TRPM6: variants seen among roughly 807,000 people sequenced by gnomAD.
TRPM6 encodes the protein channel kinase 2.
TRPM6 carries 111 observed loss-of-function variants against 247.6 expected under a neutral mutation model. The ratio of observed to expected loss-of-function variants is 0.45; its 90% CI spans 0.38 to 0.52. The LOEUF is 0.52. Among genes scored for constraint, TRPM6 ranks in the 20% least tolerant of loss-of-function variants. The pLI is 0.00. For synonymous variants in TRPM6, 892 were observed against 853.8 expected, an observed-to-expected ratio of 1.04 and a Z score of -0.78; for missense variants, 2,126 against 2,421.5, an observed-to-expected ratio of 0.88 and a Z score of 2.56.
chr9:74,724,445 A>G lies in TRPM6; in HGVS notation c.*168T>C, dbSNP rs1215066722. ...TGGACAGAGGTCAGTGTCTAGGAGA[A>G]CCCATTGATCATATACCAATGAGGC... On this transcript the variant is annotated 3_prime_UTR_variant, in exon 39 of 39. Transcript: ENST00000360774. 61 of 912,978 alleles carry G rather than the reference A, an allele frequency of 6.7e-5. No individual in the cohort carries two copies. Among genetic ancestry groups the G allele is most frequent in the South Asian group, 1.5e-5 (1 of 67,224 alleles). The allele number at this position is 912,978 out of a possible 1,614,324, so 56.6% of individuals were successfully genotyped here.
At chr9:74,783,421 G>T (rs922501066) in intron 21 of TRPM6, among the ~76,000 whole-genome samples, 1 of 152,152 alleles carries the variant, frequency 6.6e-6, no homozygotes, top group Admixed American at 6.5e-5. Context: ...ATTAGGCTGG[G>T]GCTGTGAAAC....
At chr9:74,745,120 T>C (rs550846812) in intron 31 of TRPM6, among the ~76,000 whole-genome samples, 22 of 152,322 alleles carry the variant, frequency 1.4e-4, no homozygotes, top group African/African-American at 4.6e-4. Flanking sequence ...ACAATACAGT[T>C]AAAGTAATAT....
At chr9:74,872,600 T>TGTGTGTG (rs145837742) in intron 1 of TRPM6, among the ~76,000 whole-genome samples, 42 of 150,194 alleles carry the variant, frequency 2.8e-4, no homozygotes, top group Non-Finnish European at 1.5e-5. Flanking sequence ...CCAGCAAATT[T>TGTGTGTG]TGTGTGTGTG....
chr9:74,745,540 A>G (rs1826015945), intron 31 of TRPM6, among the ~76,000 whole-genome samples: 1 of 152,170 alleles, frequency 6.6e-6, no homozygotes, highest in Non-Finnish European at 1.5e-5. Context: ...GCTGTTTTAT[A>G]TAGGGTGGTT....
intron 23 of TRPM6, 26 bp from the exon 24 acceptor site, chr9:74,776,102 A>G (rs200323072): frequency 6.3e-7 from 1 of 1,581,552 alleles, no homozygotes; most frequent in Non-Finnish European, 8.7e-7. Context: ...AGAGAGGGAC[A>G]ATGTTTTAAT....
chr9:74,842,748 ATAACT>A (rs1475644796), intron 3 of TRPM6, among the ~76,000 whole-genome samples: 3 of 152,250 alleles, frequency 2.0e-5, no homozygotes, highest in Admixed American at 6.5e-5. Context: ...AACAACGTAC[ATAACT>A]TAATTAAAAT....
chr9:74,865,937 A>G (rs1830830897), intron 1 of TRPM6, among the ~76,000 whole-genome samples: 1 of 152,106 alleles, frequency 6.6e-6, no homozygotes, highest in South Asian at 2.1e-4. Flanking sequence ...ATGACTGGGG[A>G]AAATATACTG....
chr9:74,871,517 T>C (rs931712307), intron 1 of TRPM6, among the ~76,000 whole-genome samples: 2 of 152,222 alleles, frequency 1.3e-5, no homozygotes, highest in Admixed American at 1.3e-4. Flanking sequence ...GGAAGTCCCA[T>C]AATTGACTTA....
intron 23 of TRPM6, among the ~76,000 whole-genome samples, chr9:74,781,751 C>T (rs6560409): frequency 0.018 from 2,749 of 152,072 alleles, 83 homozygotes; most frequent in African/African-American, 0.064. Context: ...TTTCATAATT[C>T]GAACTTACTG....
chr9:74,858,547 A>G, intron 2 of TRPM6, 122 bp downstream of exon 2: 1 of 621,076 alleles, frequency 1.6e-6, no homozygotes, highest in Non-Finnish European at 2.8e-6. Context: ...AGAAATAAAC[A>G]TTGAAAATTC....
intron 17 of TRPM6, among the ~76,000 whole-genome samples, chr9:74,797,454 A>C (rs1242047833): frequency 6.6e-6 from 1 of 152,130 alleles, no homozygotes; most frequent in Non-Finnish European, 1.5e-5. Context: ...AGCATCTCTA[A>C]ATTACTTATA....
At chr9:74,798,047 C>CA (rs1180220157) in intron 17 of TRPM6, among the ~76,000 whole-genome samples, 6 of 151,860 alleles carry the variant, frequency 4.0e-5, no homozygotes, top group Admixed American at 2.6e-4. Flanking sequence ...ACAGTCTTTT[C>CA]AAAAAAAATT....
intron 13 of TRPM6, among the ~76,000 whole-genome samples, chr9:74,809,995 A>C (rs986896968): frequency 6.6e-6 from 1 of 150,554 alleles, no homozygotes; most frequent in Non-Finnish European, 1.5e-5. Context: ...AAAAAAAAAA[A>C]AAAAAAACAA....
At chr9:74,875,251 C>T (rs1831157784) in intron 1 of TRPM6, 1 of 455,362 alleles carries the variant, frequency 2.2e-6, no homozygotes, top group African/African-American at 2.0e-5. Flanking sequence ...TTCCATTAAA[C>T]TTGAAGGAGG....
intron 17 of TRPM6, among the ~76,000 whole-genome samples, chr9:74,799,584 G>T (rs1273096639): frequency 6.7e-6 from 1 of 149,322 alleles, no homozygotes; most frequent in African/African-American, 2.5e-5. Context: ...TGGGTAAGCA[G>T]AACAACAGAA....
chr9:74,782,468 T>C lies in TRPM6; in HGVS notation c.3103A>G (p.Ser1035Gly). ...GAACCAGGAGGGCAGGATGGCTGGC[T>C]TGAACAAACTACAAATAAAGAATTT... ...VYAGEIDVCS[S>G]QPSCPPGSFL... Residue 1035 changes from serine to glycine, a missense_variant, in exon 23 of 39, where the codon AGC becomes GGC. Physicochemically the swap from Ser to Gly is moderately conservative, Grantham distance 56. Transcript: ENST00000360774. 6.2e-7 allele frequency: 1 copy of C among 1,612,972 alleles called. No homozygotes were observed.
chr9:74,797,025 T>A (rs939196435), intron 17 of TRPM6, 132 bp from the exon 18 acceptor site: 1 of 837,422 alleles, frequency 1.2e-6, no homozygotes, highest in Non-Finnish European at 1.9e-6. Flanking sequence ...CGCATTTCTA[T>A]AAATAATTTT....
intron 27 of TRPM6, 84 bp downstream of exon 27, chr9:74,761,612 C>A (rs1430330511): frequency 5.9e-6 from 5 of 852,536 alleles, no homozygotes; most frequent in Non-Finnish European, 1.0e-5. Flanking sequence ...GTAGATGGCA[C>A]TTTACAGTAA....
chr9:74,841,271 C>T (rs189856675), intron 4 of TRPM6, among the ~76,000 whole-genome samples: 13 of 152,238 alleles, frequency 8.5e-5, no homozygotes, highest in Admixed American at 7.8e-4. Context: ...CTTGCTTTTT[C>T]CAGCAAATGC....
Sources: gnomAD v4.1 joint callset for allele counts (sites outside exome capture counted in the v4.1 genomes callset) on GRCh38, gnomAD v4.1.1 for gene constraint, MANE v1.5 for transcripts, NCBI Gene and HGNC (gene_info 2026-07-23, HGNC 2026-07-21) for gene names.